Variants in CHD7 observed in about 807,000 individuals in gnomAD.
CHD7 encodes ATP-dependent chromatin remodeler CHD7.
Under a neutral mutation model 307.3 loss-of-function variants are expected in CHD7, and 24 were observed. The observed-to-expected ratio is 0.08, with a 90% CI of 0.06 to 0.11. CHD7 has a LOEUF of 0.11. Ranked by LOEUF, CHD7 falls within the 10% of genes least tolerant of loss-of-function variation. The pLI is 1.00. For missense variants in CHD7, 3,106 were observed against 3,727.1 expected (o/e 0.83, Z 4.34); for synonymous variants, 1,363 against 1,349.9 (o/e 1.01, Z -0.21).
At chr8:60,710,353 G>C (rs1586195299) in intron 1 of CHD7, among the ~76,000 whole-genome samples, 1 of 151,906 alleles carries the variant, frequency 6.6e-6, no homozygotes, top group Non-Finnish European at 1.5e-5. Flanking sequence ...CAGATGCCAT[G>C]CCTGCAATGC....
intron 1 of CHD7, among the ~76,000 whole-genome samples, chr8:60,723,447 C>T (rs547034390): frequency 6.6e-6 from 1 of 152,052 alleles, no homozygotes; most frequent in East Asian, 1.9e-4. Context: ...TCCTCTACCT[C>T]GAATGGAATG....
chr8:60,766,375 T>A (rs1810469939), intron 2 of CHD7, among the ~76,000 whole-genome samples: 1 of 152,192 alleles, frequency 6.6e-6, no homozygotes, highest in Non-Finnish European at 1.5e-5. Context: ...GGTGAGGACT[T>A]TAGATTTTTC....
chr8:60,841,834 C>T lies in CHD7; in HGVS notation c.4645-13C>T. 1.2e-6 allele frequency: 2 copies of T among 1,608,572 alleles called. No individual in the cohort carries two copies. The highest frequency in any genetic ancestry group is 1.7e-6 in the Non-Finnish European group (2 of 1,176,818). On this transcript the variant is annotated splice_polypyrimidine_tract_variant and intron_variant, in intron 20 of 37. Coordinates refer to ENST00000423902, the MANE Select transcript of CHD7 (RefSeq NM_017780.4). ...TTGAGAAATGTCAAATGTATCTCCT[C>T]TTTTATTATTAGAACAACCTGGTTA... is the stretch of plus-strand genomic sequence containing the variant.
chr8:60,682,046 C>T (rs1422254553), intron 1 of CHD7, among the ~76,000 whole-genome samples: 1 of 151,958 alleles, frequency 6.6e-6, no homozygotes, highest in Admixed American at 6.6e-5. Context: ...GTGGTTGTAC[C>T]GGTGATGTTT....
At chr8:60,789,739 G>C (rs1226775209) in intron 3 of CHD7, among the ~76,000 whole-genome samples, 1 of 152,216 alleles carries the variant, frequency 6.6e-6, no homozygotes, top group South Asian at 2.1e-4. Flanking sequence ...GAAGGAATTG[G>C]TTATCTATAC....
intron 1 of CHD7, among the ~76,000 whole-genome samples, chr8:60,718,582 T>C (rs763353462): frequency 2.0e-5 from 3 of 152,224 alleles, no homozygotes; most frequent in Non-Finnish European, 4.4e-5. Flanking sequence ...GAAAATACTT[T>C]TGTATGGCTG....
chr8:60,837,397 T>G (rs2150778124), intron 17 of CHD7, among the ~76,000 whole-genome samples: 1 of 152,132 alleles, frequency 6.6e-6, no homozygotes, highest in East Asian at 1.9e-4. Context: ...GCCAGCAGAG[T>G]CAGGTTCTTG....
At chr8:60,848,630 C>T (rs369625357) in intron 24 of CHD7, 26 bp downstream of exon 24, 1 of 1,560,392 alleles carries the variant, frequency 6.4e-7, no homozygotes, top group Non-Finnish European at 8.8e-7. Context: ...CATTTGTTCT[C>T]AACCTCAGTG....
chr8:60,690,710 AT>A (rs1430353002), intron 1 of CHD7, among the ~76,000 whole-genome samples: 1 of 152,160 alleles, frequency 6.6e-6, no homozygotes, highest in Non-Finnish European at 1.5e-5. Flanking sequence ...CTGTAGCTGA[AT>A]TGCTGGCTGG....
At chr8:60,726,004 G>C (rs1808139780) in intron 1 of CHD7, among the ~76,000 whole-genome samples, 1 of 152,214 alleles carries the variant, frequency 6.6e-6, no homozygotes, top group Non-Finnish European at 1.5e-5. Context: ...GTTGGCATCA[G>C]AAGTACACAA....
At chr8:60,729,752 G>C (rs1260080467) in intron 1 of CHD7, among the ~76,000 whole-genome samples, 1 of 152,124 alleles carries the variant, frequency 6.6e-6, no homozygotes, top group African/African-American at 2.4e-5. Context: ...TGTCATGTCT[G>C]GTAGTAGCTT....
At chr8:60,828,589 C>T (rs1323627405) in intron 13 of CHD7, 74 bp from the exon 14 acceptor site, 1 of 1,381,586 alleles carries the variant, frequency 7.2e-7, no homozygotes, top group Admixed American at 2.3e-5. Flanking sequence ...CAATGGGTGT[C>T]TAGTGAGAGG....
chr8:60,701,520 C>T (rs1442170590), intron 1 of CHD7, among the ~76,000 whole-genome samples: 1 of 152,172 alleles, frequency 6.6e-6, no homozygotes. Flanking sequence ...TAATTGTGGC[C>T]TCTCCACTTA....
chr8:60,837,105 G>A, intron 17 of CHD7, 93 bp downstream of exon 17: 1 of 965,178 alleles, frequency 1.0e-6, no homozygotes, highest in South Asian at 1.8e-5. Flanking sequence ...AATTAATGTT[G>A]CGTCGTCACT....
At chr8:60,735,148 A>G (rs1446188757) in intron 1 of CHD7, among the ~76,000 whole-genome samples, 2 of 152,208 alleles carry the variant, frequency 1.3e-5, no homozygotes, top group Non-Finnish European at 2.9e-5. Context: ...GCTTCGTTCA[A>G]CACTGTATAC....
intron 13 of CHD7, among the ~76,000 whole-genome samples, chr8:60,825,645 A>T (rs1804225482): frequency 6.6e-6 from 1 of 152,226 alleles, no homozygotes; most frequent in African/African-American, 2.4e-5. Context: ...ATCCACCTTC[A>T]TAGTTTTCTA....
intron 1 of CHD7, among the ~76,000 whole-genome samples, chr8:60,711,592 T>C (rs138097724): frequency 9.7e-4 from 148 of 152,358 alleles, no homozygotes; most frequent in African/African-American, 3.3e-3. Context: ...AATGGTGTTA[T>C]TCCTCTTGCT....
chr8:60,749,916 A>G (rs1265310876), intron 2 of CHD7, among the ~76,000 whole-genome samples: 1 of 152,212 alleles, frequency 6.6e-6, no homozygotes, highest in Non-Finnish European at 1.5e-5. Flanking sequence ...CAATTTATAT[A>G]TACTACAGCT....
Position 60,867,097 on chromosome 8 carries a change from A to T in CHD7, c.*1164A>T, listed in dbSNP as rs1355089969. 1 of 152,196 alleles carries T rather than the reference A, an allele frequency of 6.6e-6. No homozygotes were observed. The highest frequency in any genetic ancestry group is 2.4e-5 in the African/African-American group (1 of 41,450). 9.4% of individuals were successfully genotyped at this position (152,196 alleles called of 1,614,324 possible). The stretch of plus-strand genomic sequence containing the variant: ...GGAAAACCTTGAATTACTCTCACAT[A>T]ATTCCACTCCAGATATCTCAACAGA... On this transcript the variant is annotated 3_prime_UTR_variant, in exon 38 of 38. Coordinates refer to ENST00000423902, the MANE Select transcript of CHD7 (RefSeq NM_017780.4).
Sources: gnomAD v4.1 joint callset for allele counts (sites outside exome capture counted in the v4.1 genomes callset) on GRCh38, gnomAD v4.1.1 for gene constraint, MANE v1.5 for transcripts, NCBI Gene and HGNC (gene_info 2026-07-23, HGNC 2026-07-21) for gene names.